TRPM3: variants seen among roughly 807,000 people sequenced by gnomAD.
TRPM3 encodes long transient receptor potential channel 3.
TRPM3 carries 77 observed loss-of-function variants against 181.2 expected under a neutral mutation model. The observed-to-expected ratio is 0.42, with a 90% CI of 0.35 to 0.51. TRPM3 has a LOEUF of 0.51. Among genes scored for constraint, TRPM3 ranks in the 20% least tolerant of loss-of-function variants. TRPM3 has a pLI of 0.01. For missense variants in TRPM3, 1,759 were observed against 2,196.7 expected, an observed-to-expected ratio of 0.80 and a Z score of 3.98; for synonymous variants, 745 against 796.4, an observed-to-expected ratio of 0.94 and a Z score of 1.09.
chr9:71,133,991 G>A (rs901698837), intron 1 of TRPM3, among the ~76,000 whole-genome samples: 1 of 142,520 alleles, frequency 7.0e-6, no homozygotes, highest in African/African-American at 3.0e-5. Flanking sequence ...GTGTGTGTGT[G>A]TGTGTGTGTG....
At chr9:71,196,497 T>C (rs1003545539) in intron 1 of TRPM3, among the ~76,000 whole-genome samples, 9 of 152,040 alleles carry the variant, frequency 5.9e-5, no homozygotes, top group Admixed American at 5.9e-4. Context: ...TCATGGAATC[T>C]AATACCTGCA....
rs2095098916 is a variant in TRPM3 at position 70,848,851 on chromosome 9, C to G, written c.463-2260G>C. On this transcript the variant is annotated intron_variant, in intron 3 of 25. Coordinates refer to ENST00000677713, the MANE Select transcript of TRPM3 (RefSeq NM_001366145.2). ...AATTAGCCGGGCGTGGTAGCGGGCG[C>G]CTGTAGTCCCAGCTACTCGGGAGGC... is the stretch of plus-strand genomic sequence containing the variant. Among the ~76,000 whole-genome samples, 3 of 86,330 alleles carry G rather than the reference C, an allele frequency of 3.5e-5. 1 individual carries two copies. The highest frequency in any genetic ancestry group is 7.4e-5 in the Non-Finnish European group (3 of 40,526). The allele number at this position is 86,330 out of a possible 152,430, so 56.6% of individuals were successfully genotyped here. A position where few individuals can be genotyped will look rare whatever the true frequency, so the allele number is the denominator to read the frequency against.
chr9:70,832,058 C>T (rs181914946), intron 5 of TRPM3, among the ~76,000 whole-genome samples: 2,008 of 125,434 alleles, frequency 0.016, 29 homozygotes, highest in Middle Eastern at 0.078. Context: ...AACCAAACAC[C>T]GCATATTCTC....
Position 70,635,060 on chromosome 9 carries a change from T to TACACAC in TRPM3, c.1632+145_1632+150dup, listed in dbSNP as rs5898155. ...AGAAGCATCAGAGTTAAAAGACACATACACACACACACACACACACACTGT... is the reference window on the plus strand; with the variant it reads ...AGAAGCATCAGAGTTAAAAGACACATACACACACACACACACACACACACACACTGT... On this transcript the variant is annotated intron_variant, in intron 12 of 25. Transcript: ENST00000677713. 3.6e-3 allele frequency: 1,990 copies of TACACAC among 546,592 alleles called. 3 individuals carry two copies. The highest frequency in any genetic ancestry group is 0.013 in the Admixed American group (386 of 29,834). 33.9% of individuals were successfully genotyped at this position (546,592 alleles called of 1,614,324 possible). A position where few individuals can be genotyped will look rare whatever the true frequency, so the allele number is the denominator to read the frequency against.
chr9:70,580,807 C>G (rs187203342), intron 22 of TRPM3, among the ~76,000 whole-genome samples: 1 of 152,356 alleles, frequency 6.6e-6, no homozygotes, highest in Admixed American at 6.5e-5. Flanking sequence ...TTCCCCTTTT[C>G]CTACTGCTAA....
chr9:70,654,574 C>T (rs2060015988), intron 9 of TRPM3, among the ~76,000 whole-genome samples: 1 of 152,008 alleles, frequency 6.6e-6, no homozygotes, highest in South Asian at 2.1e-4. Context: ...ATCCACCACA[C>T]AAAACCCCTA....
chr9:70,613,670 C>T (rs542038297), intron 18 of TRPM3, among the ~76,000 whole-genome samples: 4 of 152,310 alleles, frequency 2.6e-5, no homozygotes, highest in African/African-American at 9.6e-5. Context: ...CTTTCCTTCT[C>T]CCTGCTGTTT....
At chr9:71,280,436 A>G (rs1384024445) in intron 1 of TRPM3, among the ~76,000 whole-genome samples, 1 of 152,178 alleles carries the variant, frequency 6.6e-6, no homozygotes, top group African/African-American at 2.4e-5. Context: ...AAGCACGCCT[A>G]CAAATCACAG....
Position 70,568,132 on chromosome 9 carries a change from G to A in TRPM3, c.3224-14822C>T, listed in dbSNP as rs114980666. Among the ~76,000 whole-genome samples the A allele has an allele frequency of 3.0e-3, 459 of 152,266 alleles. 3 individuals are homozygous for A. The highest frequency in any genetic ancestry group is 0.01 in the African/African-American group (433 of 41,556). ...ATGTGTAAGATGCAATTCTACTTAAGGTGTCTAGTGGAATAAAAGTGATAA... is the reference window on the plus strand; with the variant it reads ...ATGTGTAAGATGCAATTCTACTTAAAGTGTCTAGTGGAATAAAAGTGATAA... On this transcript the variant is annotated intron_variant, in intron 22 of 25. Transcript: ENST00000677713.
chr9:71,338,479 A>C (rs544421016), intron 1 of TRPM3, among the ~76,000 whole-genome samples: 2 of 152,326 alleles, frequency 1.3e-5, no homozygotes, highest in Admixed American at 1.3e-4. Context: ...ACCCGGTTCC[A>C]AGGCAGATTT....
At chr9:70,982,475 C>T (rs1380291212) in intron 1 of TRPM3, among the ~76,000 whole-genome samples, 8 of 152,174 alleles carry the variant, frequency 5.3e-5, no homozygotes, top group Non-Finnish European at 1.0e-4. Context: ...TCTAAGATTT[C>T]AGTCCCTCTC....
At chr9:71,351,877 T>G (rs913452670) in intron 1 of TRPM3, among the ~76,000 whole-genome samples, 138 of 43,240 alleles carry the variant, frequency 3.2e-3, no homozygotes, top group African/African-American at 0.011. Flanking sequence ...TTTGTTTTTG[T>G]TTTTTTTTTT....
chr9:70,861,021 C>T (rs1051287418), intron 3 of TRPM3, among the ~76,000 whole-genome samples: 1 of 152,160 alleles, frequency 6.6e-6, no homozygotes, highest in Non-Finnish European at 1.5e-5. Context: ...CCACAATCTA[C>T]ATTCTTCGCT....
chr9:70,755,737 A>C (rs948483839), intron 8 of TRPM3, among the ~76,000 whole-genome samples: 2 of 152,196 alleles, frequency 1.3e-5, no homozygotes, highest in Non-Finnish European at 2.9e-5. Flanking sequence ...TTCACAAGTG[A>C]AGAAGAAATA....
intron 1 of TRPM3, among the ~76,000 whole-genome samples, chr9:71,396,770 T>C (rs1402631352): frequency 6.6e-6 from 1 of 151,800 alleles, no homozygotes; most frequent in African/African-American, 2.4e-5. Flanking sequence ...AGACCCATCC[T>C]GGCTAACACG....
intron 2 of TRPM3, among the ~76,000 whole-genome samples, chr9:70,863,527 G>A (rs909739047): frequency 9.9e-5 from 15 of 152,114 alleles, no homozygotes; most frequent in African/African-American, 3.1e-4. Context: ...ACATTTAAAT[G>A]AGGAATCTCA....
chr9:70,646,724 A>G (rs11999469), intron 9 of TRPM3, among the ~76,000 whole-genome samples: 34,829 of 151,986 alleles, frequency 0.23, 5,325 homozygotes, highest in African/African-American at 0.44. Flanking sequence ...TAATAATAAA[A>G]AAAAAGCAGT....
chr9:70,685,601 C>T (rs1400923837), intron 8 of TRPM3, among the ~76,000 whole-genome samples: 3 of 152,128 alleles, frequency 2.0e-5, no homozygotes, highest in Non-Finnish European at 4.4e-5. Context: ...AGATGGGGGT[C>T]TCACTATGTT....
At chr9:70,897,734 A>G (rs1037754399) in intron 1 of TRPM3, among the ~76,000 whole-genome samples, 1 of 152,158 alleles carries the variant, frequency 6.6e-6, no homozygotes, top group African/African-American at 2.4e-5. Context: ...TTAAAGAAAC[A>G]ATGGCTTCTA....
Sources: allele counts gnomAD v4.1 joint callset (sites outside exome capture counted in the v4.1 genomes callset), GRCh38; gene constraint gnomAD v4.1.1; transcripts MANE v1.5; gene names NCBI Gene and HGNC (gene_info 2026-07-23, HGNC 2026-07-21).